The following CCSER1 variants were observed in gnomAD, a reference collection of about 807,000 sequenced individuals.
The protein encoded by CCSER1 is coiled-coil serine rich protein 1.
A neutral mutation model predicts 82.0 loss-of-function variants in CCSER1; 41 were observed. The ratio of observed to expected loss-of-function variants is 0.50; its 90% CI spans 0.39 to 0.65. CCSER1 has a LOEUF of 0.65. Ranked by LOEUF, CCSER1 falls within the 30% of genes least tolerant of loss-of-function variation. CCSER1 has a pLI of 0.00. For synonymous variants in CCSER1, 414 were observed against 383.9 expected (o/e 1.08, Z -0.92); for missense variants, 1,119 against 1,064.2 (o/e 1.05, Z -0.72).
chr4:90,885,136 A>T (rs1721930663), intron 8 of CCSER1, among the ~76,000 whole-genome samples: 1 of 152,150 alleles, frequency 6.6e-6, no homozygotes, highest in Admixed American at 6.5e-5. Flanking sequence ...AAAGTCACAT[A>T]ATTTTTTTTC....
chr4:90,587,811 T>C (rs1289223413), intron 5 of CCSER1, among the ~76,000 whole-genome samples: 1 of 152,238 alleles, frequency 6.6e-6, no homozygotes, highest in African/African-American at 2.4e-5. Flanking sequence ...TAGTTGATAA[T>C]GTTTATTATT....
intron 10 of CCSER1, among the ~76,000 whole-genome samples, chr4:91,310,980 G>A (rs1207040602): frequency 6.6e-6 from 1 of 151,792 alleles, no homozygotes; most frequent in African/African-American, 2.4e-5. Context: ...TTATCATCTA[G>A]AAGAAATAAC....
At chr4:90,842,963 T>A (rs1762758987) in intron 8 of CCSER1, among the ~76,000 whole-genome samples, 1 of 152,188 alleles carries the variant, frequency 6.6e-6, no homozygotes, top group Non-Finnish European at 1.5e-5. Flanking sequence ...ACTATGAAAT[T>A]GCTTTTAGGT....
At chr4:91,456,298 C>T (rs911828930) in intron 10 of CCSER1, among the ~76,000 whole-genome samples, 3 of 151,972 alleles carry the variant, frequency 2.0e-5, no homozygotes, top group Non-Finnish European at 4.4e-5. Context: ...CCAAAGGTCT[C>T]ATTTCCAAAT....
Position 90,271,852 on chromosome 4 carries a change from ATATATATATATTTTTTTTTTTTT to A in CCSER1, c.-41-36390_-41-36368del, listed in dbSNP as rs1173008482. On this transcript the variant is annotated intron_variant, in intron 1 of 10. Coordinates refer to ENST00000509176, the MANE Select transcript of CCSER1 (RefSeq NM_001145065.2). ...TATATATATATATATATATATATAT[ATATATATATATTTTTTTTTTTTT>A]TTTTTTTTTTTTTTTAAAAGGAGGT... Among the ~76,000 whole-genome samples, 5 of 24,440 alleles carry A rather than the reference ATATATATATATTTTTTTTTTTTT, an allele frequency of 2.0e-4. No homozygotes were observed. The African/African-American group carries it at 2.1e-3, about 10-fold the overall frequency. 16.0% of individuals were successfully genotyped at this position (24,440 alleles called of 152,430 possible).
intron 1 of CCSER1, among the ~76,000 whole-genome samples, chr4:90,294,228 C>T (rs763686880): frequency 3.3e-5 from 5 of 151,860 alleles, no homozygotes; most frequent in Non-Finnish European, 5.9e-5. Context: ...AAAAAATAGT[C>T]TTGCCGGGCG....
At chr4:90,155,090 G>A (rs58200387) in intron 1 of CCSER1, among the ~76,000 whole-genome samples, 48,317 of 151,958 alleles carry the variant, frequency 0.32, 9,124 homozygotes, top group East Asian at 0.65. Context: ...TTAGCATGAA[G>A]GGTTGTTGAA....
At chr4:91,180,095 G>C (rs1733851084) in intron 10 of CCSER1, among the ~76,000 whole-genome samples, 2 of 152,146 alleles carry the variant, frequency 1.3e-5, no homozygotes, top group Non-Finnish European at 2.9e-5. Flanking sequence ...TCTTTGCCTG[G>C]GTATCACCAG....
chr4:90,214,821 A>G (rs1740722788), intron 1 of CCSER1, among the ~76,000 whole-genome samples: 1 of 152,212 alleles, frequency 6.6e-6, no homozygotes, highest in Non-Finnish European at 1.5e-5. Context: ...CTTGTTGTGA[A>G]TCACATTACC....
chr4:90,279,839 G>A (rs576864854), intron 1 of CCSER1, among the ~76,000 whole-genome samples: 1 of 151,924 alleles, frequency 6.6e-6, no homozygotes, highest in East Asian at 1.9e-4. Context: ...TTAATGTATG[G>A]TATGAATGAA....
Position 90,393,110 on chromosome 4 carries a change from T to C in CCSER1, c.1510-6926T>C, listed in dbSNP as rs981319014. ...TGACTGTGTCAATGATGAAATCTTGTCACTTGTACATCTCTCATTTTTTTG... is the reference window on the plus strand; with the variant it reads ...TGACTGTGTCAATGATGAAATCTTGCCACTTGTACATCTCTCATTTTTTTG... On this transcript the variant is annotated intron_variant, in intron 3 of 10. Transcript: ENST00000509176. 3.9e-5 allele frequency among the ~76,000 whole-genome samples: 6 copies of C among 152,232 alleles called. No homozygotes were observed. In the East Asian group the frequency reaches 1.2e-3, roughly 29 times the overall value.
In CCSER1 at chr4:91,401,143, C is replaced by T. The variant is rs192550323; in HGVS notation, c.2218-197429C>T. Among the ~76,000 whole-genome samples the T allele has an allele frequency of 4.0e-5, 6 of 151,656 alleles. No individual in the cohort carries two copies. In the Admixed American group the frequency reaches 4.0e-4, roughly 10 times the overall value. Reference sequence around the variant, plus strand: ...TATTTATTTAATCTTCATTACCTCACGTGCCCATCTAAATAGATACCCATT... The same window carrying T: ...TATTTATTTAATCTTCATTACCTCATGTGCCCATCTAAATAGATACCCATT... On this transcript the variant is annotated intron_variant, in intron 10 of 10. Coordinates refer to ENST00000509176, the MANE Select transcript of CCSER1 (RefSeq NM_001145065.2).
chr4:90,409,016 A>C (rs138516863), intron 4 of CCSER1, among the ~76,000 whole-genome samples: 1,920 of 152,336 alleles, frequency 0.013, 31 homozygotes, highest in African/African-American at 0.043. Context: ...GATCAACTGG[A>C]AGAAAGGGTA....
At chr4:90,441,185 A>G (rs957066222) in intron 4 of CCSER1, among the ~76,000 whole-genome samples, 1 of 152,140 alleles carries the variant, frequency 6.6e-6, no homozygotes, top group Non-Finnish European at 1.5e-5. Context: ...CACGCAAGAA[A>G]ATCTAGACAC....
intron 3 of CCSER1, among the ~76,000 whole-genome samples, chr4:90,371,692 GACAA>G (rs1368792940): frequency 6.6e-6 from 1 of 152,038 alleles, no homozygotes; most frequent in East Asian, 1.9e-4. Context: ...TTTTATTGTG[GACAA>G]ACAGACTTGG....
At chr4:90,751,183 C>T (rs573907377) in intron 7 of CCSER1, among the ~76,000 whole-genome samples, 1 of 151,864 alleles carries the variant, frequency 6.6e-6, no homozygotes, top group Non-Finnish European at 1.5e-5. Context: ...TGCCATAAGC[C>T]CCATGGTTTA....
intron 6 of CCSER1, among the ~76,000 whole-genome samples, chr4:90,648,274 G>GAGAGAAAGGAAAGAA: frequency 9.9e-6 from 1 of 100,714 alleles, no homozygotes; most frequent in Non-Finnish European, 2.1e-5. Context: ...GAAAGAGAGA[G>GAGAGAAAGGAAAGAA]AGAAAGAAAG....
chr4:90,841,543 AT>A (rs1762570175), intron 8 of CCSER1, among the ~76,000 whole-genome samples: 1 of 142,906 alleles, frequency 7.0e-6, no homozygotes, highest in Non-Finnish European at 1.5e-5. Context: ...GCTCCACTGT[AT>A]TCCAGCCTGG....
At chr4:91,009,992 T>G (rs1738873660) in intron 9 of CCSER1, among the ~76,000 whole-genome samples, 1 of 152,176 alleles carries the variant, frequency 6.6e-6, no homozygotes, top group Admixed American at 6.5e-5. Context: ...TACCTGAGAA[T>G]TTTTTACTTT....
Sources: allele counts gnomAD v4.1 joint callset (sites outside exome capture counted in the v4.1 genomes callset), GRCh38; gene constraint gnomAD v4.1.1; transcripts MANE v1.5; gene names NCBI Gene and HGNC (gene_info 2026-07-23, HGNC 2026-07-21).